The following CHD1L variants were observed in gnomAD, a reference collection of about 807,000 sequenced individuals.
CHD1L encodes chromodomain helicase DNA binding protein 1 like, also known as ATP-dependent chromatin remodeler CHD1L.
A neutral mutation model predicts 115.9 loss-of-function variants in CHD1L; 118 were observed. That is an observed-to-expected ratio of 1.02 (90% CI 0.88 to 1.19). The LOEUF (loss-of-function observed/expected upper bound fraction) is 1.19. CHD1L is among the 50% of genes most tolerant of loss of function. CHD1L has a pLI of 0.00. For missense variants in CHD1L, 1,179 were observed against 1,065.3 expected (o/e 1.11, Z -1.49); for synonymous variants, 411 against 387.1 (o/e 1.06, Z -0.72).
chr1:147,279,953 T>C (rs1680160169), intron 14 of CHD1L, 73 bp from the exon 15 acceptor site: 2 of 1,522,026 alleles, frequency 1.3e-6, no homozygotes, highest in African/African-American at 2.7e-5. Flanking sequence ...GTTAATCCAC[T>C]TAGCCAATCA....
At chr1:147,279,429 T>A (rs1341781923) in intron 14 of CHD1L, among the ~76,000 whole-genome samples, 1 of 152,108 alleles carries the variant, frequency 6.6e-6, no homozygotes, top group Admixed American at 6.5e-5. Context: ...AGAAGCAGGA[T>A]AGTGCAATGC....
intron 1 of CHD1L, among the ~76,000 whole-genome samples, chr1:147,248,115 TC>T (rs1286390534): frequency 6.6e-6 from 1 of 152,204 alleles, no homozygotes; most frequent in East Asian, 1.9e-4. Flanking sequence ...TACCACTTCT[TC>T]CTTTTACTTT....
rs782562082 is a variant in CHD1L at position 147,259,860 on chromosome 1, T to G, written c.518T>G (p.Val173Gly). 2 of 1,613,922 alleles carry G rather than the reference T, an allele frequency of 1.2e-6. No homozygotes were observed. Among genetic ancestry groups the G allele is most frequent in the East Asian group, 2.2e-5 (1 of 44,868 alleles). ...LKSFPWSVLV[V>G]DEAHRLKNQS... ...AGATTCCCTTGGAGTGTTCTTGTTG[T>G]GGATGAAGCTCACAGGTTGAAAAAC... is the stretch of plus-strand genomic sequence containing the variant. Residue 173 changes from valine to glycine, a missense_variant, in exon 6 of 23, where the codon GTG becomes GGG. Transcript: ENST00000369258.
intron 1 of CHD1L, among the ~76,000 whole-genome samples, chr1:147,245,785 C>G (rs1183480035): frequency 1.3e-5 from 2 of 151,620 alleles, no homozygotes; most frequent in Non-Finnish European, 2.9e-5. Context: ...TTCAGTGATC[C>G]TCCCACCTCA....
At chr1:147,213,289 T>C in the CHD1L span, 4 of 1,591,038 alleles carry the variant, frequency 2.5e-6, no homozygotes, top group South Asian at 2.3e-5. Flanking sequence ...AGGGTCTTCC[T>C]TCCTGGTAAG....
At chr1:147,232,518 C>T in the CHD1L span, among the ~76,000 whole-genome samples, 1 of 152,114 alleles carries the variant, frequency 6.6e-6, no homozygotes, top group Non-Finnish European at 1.5e-5. Context: ...CTCCCTCTCC[C>T]TCTCTTTCCA....
At chr1:147,268,722 G>C (rs1674938250) in intron 9 of CHD1L, 60 bp from the exon 10 acceptor site, 6 of 1,367,866 alleles carry the variant, frequency 4.4e-6, no homozygotes, top group Admixed American at 1.8e-5. Flanking sequence ...CTGTAGCCTA[G>C]CTACTGGCTT....
At chr1:147,234,252 C>A in the CHD1L span, among the ~76,000 whole-genome samples, 3 of 152,188 alleles carry the variant, frequency 2.0e-5, no homozygotes, top group East Asian at 5.8e-4. Context: ...ATTGTGATGG[C>A]CCCCTGCTCC....
intron 19 of CHD1L, among the ~76,000 whole-genome samples, chr1:147,290,721 A>G (rs767994868): frequency 6.6e-6 from 1 of 151,988 alleles, no homozygotes; most frequent in Non-Finnish European, 1.5e-5. Context: ...TGGCGTGATC[A>G]TAGCTCACCA....
Position 147,264,466 on chromosome 1 carries a change from G to C in CHD1L, c.621G>C (p.Gln207His), listed in dbSNP as rs1553946535. ...TCCTGTTGACCGGAACTCCCATCCA[G>C]AACAGCCTCCAAGAGCTCTACTCCC... ...FSLLLTGTPIQNSLQELYSLL... is the reference protein window; with the variant it reads ...FSLLLTGTPIHNSLQELYSLL... The change falls in exon 7 of 23, where the codon CAG becomes CAC. Residue 207 changes from glutamine (Q) to histidine (H), a missense_variant. By Grantham distance (24) the Gln-to-His change is conservative. Coordinates refer to ENST00000369258, the MANE Select transcript of CHD1L (RefSeq NM_004284.6). 6.2e-7 allele frequency: 1 copy of C among 1,613,622 alleles called. No individual in the cohort carries two copies.
At chr1:147,289,398 G>A (rs1684626690) in intron 19 of CHD1L, among the ~76,000 whole-genome samples, 1 of 152,202 alleles carries the variant, frequency 6.6e-6, no homozygotes, top group African/African-American at 2.4e-5. Context: ...AGTATGTCAA[G>A]AAGGCAAAGA....
chr1:147,188,422 C>T, the CHD1L span, among the ~76,000 whole-genome samples: 1 of 149,574 alleles, frequency 6.7e-6, no homozygotes, highest in African/African-American at 2.5e-5. Flanking sequence ...ACTCAGGAGG[C>T]TGAGGCGGGA....
upstream of CHD1L, among the ~76,000 whole-genome samples, chr1:147,239,008 T>G (rs1403303200): frequency 6.6e-6 from 1 of 152,100 alleles, no homozygotes; most frequent in Non-Finnish European, 1.5e-5. Flanking sequence ...ACTGATAAAA[T>G]ACTGTGGCGA....
the CHD1L span, among the ~76,000 whole-genome samples, chr1:147,189,337 C>T: frequency 6.6e-6 from 1 of 150,892 alleles, no homozygotes; most frequent in Non-Finnish European, 1.5e-5. Flanking sequence ...CTTAGGGAGG[C>T]AGCAAAAGGT....
Position 147,280,116 on chromosome 1 carries a change from G to A in CHD1L, c.1630G>A (p.Glu544Lys). ...AATAGACCTGGAGTCCATCCTGGGA[G>A]AAACAAAAGATGGCCAGTGGGTCTC... ...DEIDLESILG[E>K]TKDGQWVSDA... Residue 544 changes from glutamate to lysine, a missense_variant, in exon 15 of 23, where the codon GAA becomes AAA. Transcript: ENST00000369258. The A allele has an allele frequency of 6.2e-7, 1 of 1,613,770 alleles. No individual in the cohort carries two copies. The highest frequency in any genetic ancestry group is 8.5e-7 in the Non-Finnish European group (1 of 1,179,894).
chr1:147,217,957 T>C, the CHD1L span, among the ~76,000 whole-genome samples: 3 of 152,224 alleles, frequency 2.0e-5, no homozygotes, highest in Non-Finnish European at 4.4e-5. Context: ...AAATGTTTAA[T>C]GGATGCATAT....
chr1:147,254,437 A>C (rs1213267933), intron 2 of CHD1L, among the ~76,000 whole-genome samples: 1 of 152,072 alleles, frequency 6.6e-6, no homozygotes, highest in Non-Finnish European at 1.5e-5. Context: ...ATCCTCCCTC[A>C]CTCGGGAAAG....
chr1:147,228,641 T>C, the CHD1L span, among the ~76,000 whole-genome samples: 1 of 152,146 alleles, frequency 6.6e-6, no homozygotes, highest in Admixed American at 6.5e-5. Context: ...GTAAAAGTGT[T>C]CCTATTTCTC....
chr1:147,260,601 T>C (rs1296580565), intron 6 of CHD1L: 4 of 152,214 alleles, frequency 2.6e-5, no homozygotes, highest in Non-Finnish European at 4.4e-5. Flanking sequence ...AAAAATCTTA[T>C]TATAATTCTT....
Sources: allele counts gnomAD v4.1 joint callset (sites outside exome capture counted in the v4.1 genomes callset), GRCh38; gene constraint gnomAD v4.1.1; transcripts MANE v1.5; gene names NCBI Gene and HGNC (gene_info 2026-07-23, HGNC 2026-07-21).